FBXW8: variants seen among roughly 807,000 people sequenced by gnomAD.
The protein encoded by FBXW8 is F-box and WD repeat domain containing 8.
A neutral mutation model predicts 65.3 loss-of-function variants in FBXW8; 57 were observed. That is an observed-to-expected ratio of 0.87 (90% CI 0.71 to 1.09). The LOEUF (loss-of-function observed/expected upper bound fraction) is 1.09, where lower values mean the gene tolerates loss of function less well. Ranked by LOEUF, FBXW8 falls within the 50% of genes least tolerant of loss-of-function variation. The pLI is 0.00. For synonymous variants in FBXW8, 308 were observed against 330.2 expected (o/e 0.93, Z 0.73); for missense variants, 777 against 814.8 (o/e 0.95, Z 0.57).
At chr12:117,018,994 A>G (rs759890998) in intron 8 of FBXW8, among the ~76,000 whole-genome samples, 2 of 152,146 alleles carry the variant, frequency 1.3e-5, no homozygotes, top group African/African-American at 2.4e-5. Flanking sequence ...CCTTTCCCCA[A>G]TCCTTTTCAA....
chr12:116,940,640 T>C (rs561479555), intron 2 of FBXW8, among the ~76,000 whole-genome samples: 1 of 152,246 alleles, frequency 6.6e-6, no homozygotes, highest in East Asian at 1.9e-4. Flanking sequence ...TCTTTTCTTT[T>C]GTCTGCAGGG....
chr12:117,024,091 T>G (rs1286062220), intron 8 of FBXW8, 56 bp from the exon 9 acceptor site: 7 of 1,576,296 alleles, frequency 4.4e-6, no homozygotes, highest in Non-Finnish European at 6.0e-6. Flanking sequence ...AGTTTGTCAT[T>G]TGAAGCTTTG....
chr12:116,937,739 A>G (rs1882266810), intron 2 of FBXW8, among the ~76,000 whole-genome samples: 1 of 149,246 alleles, frequency 6.7e-6, no homozygotes, highest in South Asian at 2.1e-4. Flanking sequence ...GTGTCCTCCC[A>G]CAGTAGACTT....
chr12:116,934,315 C>G lies in FBXW8; in HGVS notation c.423+6188C>G, dbSNP rs116459088. 2.1e-3 allele frequency among the ~76,000 whole-genome samples: 313 copies of G among 152,268 alleles called. 1 individual carries two copies. The highest frequency in any genetic ancestry group is 7.4e-3 in the African/African-American group (306 of 41,548). ...AGTTGTCCCTCGAGGGACTTAATCT[C>G]TCTGTGGGAGTGTTTCTTGCCGAAA... On this transcript the variant is annotated intron_variant, in intron 2 of 10. Transcript: ENST00000652555.
chr12:116,915,403 A>G (rs1222305075), intron 1 of FBXW8, among the ~76,000 whole-genome samples: 2 of 152,188 alleles, frequency 1.3e-5, no homozygotes, highest in African/African-American at 4.8e-5. Context: ...TTTAAGCTCA[A>G]ACTATGTATT....
chr12:117,009,381 G>C (rs1189172632), intron 7 of FBXW8, among the ~76,000 whole-genome samples: 1 of 152,094 alleles, frequency 6.6e-6, no homozygotes, highest in East Asian at 1.9e-4. Context: ...GACAGAGCAA[G>C]ACCCTGTTCC....
intron 3 of FBXW8, 86 bp downstream of exon 3, chr12:116,945,614 A>G: frequency 1.4e-6 from 2 of 1,382,796 alleles, no homozygotes; most frequent in African/African-American, 1.4e-5. Flanking sequence ...CCTGAGATTA[A>G]TTGCCAACAG....
In FBXW8 at chr12:116,961,077, A is replaced by G. The variant is rs1028792875; in HGVS notation, c.678-3620A>G. Among the ~76,000 whole-genome samples the G allele has an allele frequency of 4.6e-5, 7 of 152,036 alleles. No individual in the cohort carries two copies. The highest frequency in any genetic ancestry group is 1.4e-4 in the African/African-American group (6 of 41,398). On this transcript the variant is annotated intron_variant, in intron 4 of 10. Coordinates refer to ENST00000652555, the MANE Select transcript of FBXW8 (RefSeq NM_153348.3). The surrounding 1 kb of genome is among the most constrained non-coding windows in gnomAD (Gnocchi z 4.4). ...AGTGGCACAATCTCGGCTCACTGCA[A>G]CCTCCACCTCCCAGTTCAAGCGATT...
rs533027565 is a variant in FBXW8 at position 116,931,495 on chromosome 12, A to G, written c.423+3368A>G. ...TGGACATTTTGATAATATTCTTCCA[A>G]TCCATGAACATGGAATATCTTTCTA... On this transcript the variant is annotated intron_variant, in intron 2 of 10. Coordinates refer to ENST00000652555, the MANE Select transcript of FBXW8 (RefSeq NM_153348.3). Among the ~76,000 whole-genome samples, 10 of 152,154 alleles carry G rather than the reference A, an allele frequency of 6.6e-5. No individual in the cohort carries two copies. The East Asian group carries it at 9.7e-4, about 15-fold the overall frequency.
intron 5 of FBXW8, among the ~76,000 whole-genome samples, chr12:116,965,538 G>A (rs1026441103): frequency 1.3e-5 from 2 of 150,888 alleles, no homozygotes; most frequent in African/African-American, 5.0e-5. Context: ...GTTATGTTGT[G>A]AAGTGTTGAA....
intron 4 of FBXW8, among the ~76,000 whole-genome samples, chr12:116,951,867 T>A (rs553222390): frequency 2.6e-5 from 4 of 152,326 alleles, no homozygotes; most frequent in African/African-American, 7.2e-5. Context: ...CAAATACCCA[T>A]CATGTGAACA....
chr12:116,993,896 AT>A (rs1429872955), intron 7 of FBXW8, among the ~76,000 whole-genome samples: 1 of 152,114 alleles, frequency 6.6e-6, no homozygotes, highest in Admixed American at 6.6e-5. Context: ...GTCTTGGTTA[AT>A]TTTTATATAT....
intron 8 of FBXW8, 42 bp downstream of exon 8, chr12:117,010,492 TCTGCCAAGGCCCGGCCCCCA>T (rs1418495185): frequency 6.2e-7 from 1 of 1,613,636 alleles, no homozygotes; most frequent in South Asian, 1.1e-5. Flanking sequence ...CCCCATGGCT[TCTGCCAAGGCCCGGCCCCCA>T]CTGCGCTGCT....
chr12:117,027,365 C>G, intron 9 of FBXW8, 29 bp from the exon 10 acceptor site: 1 of 1,591,692 alleles, frequency 6.3e-7, no homozygotes, highest in South Asian at 1.1e-5. Context: ...TGGACGCCCC[C>G]TTACGAGCTC....
intron 2 of FBXW8, among the ~76,000 whole-genome samples, chr12:116,931,122 A>G (rs933063725): frequency 3.6e-4 from 55 of 152,338 alleles, no homozygotes; most frequent in African/African-American, 1.3e-3. Flanking sequence ...AGTTCTCACA[A>G]CACCATTTAT....
intron 1 of FBXW8, among the ~76,000 whole-genome samples, chr12:116,923,921 G>T (rs1383807255): frequency 6.6e-6 from 1 of 152,096 alleles, no homozygotes; most frequent in Non-Finnish European, 1.5e-5. Context: ...CACCATGTTA[G>T]CCAGGATGAT....
intron 2 of FBXW8, among the ~76,000 whole-genome samples, chr12:116,935,891 TA>T (rs1470941034): frequency 1.3e-5 from 2 of 152,106 alleles, no homozygotes; most frequent in Admixed American, 6.5e-5. Flanking sequence ...TGCTAATTTT[TA>T]AAAAAAAGTT....
intron 2 of FBXW8, among the ~76,000 whole-genome samples, chr12:116,937,658 A>C (rs1227015957): frequency 2.6e-5 from 4 of 152,184 alleles, no homozygotes; most frequent in African/African-American, 9.7e-5. Context: ...GGCAAAAGCT[A>C]GTGGCTCAGG....
At chr12:117,026,384 C>T (rs111433758) in intron 9 of FBXW8, among the ~76,000 whole-genome samples, 5,853 of 148,652 alleles carry the variant, frequency 0.039, 292 homozygotes, top group African/African-American at 0.11. Flanking sequence ...CTTCAGTCCT[C>T]CAGGCTGCAG....
Sources: gnomAD v4.1 joint callset for allele counts (sites outside exome capture counted in the v4.1 genomes callset) on GRCh38, gnomAD v4.1.1 for gene constraint, Gnocchi (gnomAD v3.1) non-coding constraint, MANE v1.5 for transcripts, NCBI Gene and HGNC (gene_info 2026-07-23, HGNC 2026-07-21) for gene names.